Variants in ZNF415 observed in about 807,000 individuals in gnomAD.
ZNF415 encodes zinc finger protein 415.
ZNF415 carries 5 observed loss-of-function variants against 7.3 expected under a neutral mutation model. That is an observed-to-expected ratio of 0.69 (90% CI 0.36 to 1.44). The LOEUF (loss-of-function observed/expected upper bound fraction) is 1.44, where lower values mean the gene tolerates loss of function less well. Ranked by LOEUF, ZNF415 falls within the 40% of genes most tolerant of loss-of-function variation. The probability of loss-of-function intolerance (pLI) is 0.04; values close to 1 mark genes in which losing one functional copy is unlikely to be tolerated. For synonymous variants in ZNF415, 207 were observed against 226.3 expected, an observed-to-expected ratio of 0.91 and a Z score of 0.77; for missense variants, 628 against 664.8, an observed-to-expected ratio of 0.94 and a Z score of 0.61.
rs1293529212 is a variant in ZNF415 at position 53,132,871 on chromosome 19, C to T, written c.-83G>A. On this transcript the variant is annotated 5_prime_UTR_variant, in exon 1 of 4. Transcript: ENST00000243643. ...GGTCACTCACGCTCGACGCCGTCACCTTCACCCAACGCGATCCGTTTCCGG... is the reference window on the plus strand; with the variant it reads ...GGTCACTCACGCTCGACGCCGTCACTTTCACCCAACGCGATCCGTTTCCGG... 6.6e-6 allele frequency: 1 copy of T among 152,264 alleles called. No individual in the cohort carries two copies. Among genetic ancestry groups the T allele is most frequent in the African/African-American group, 2.4e-5 (1 of 41,446 alleles). 9.4% of individuals were successfully genotyped at this position (152,264 alleles called of 1,614,324 possible). A position where few individuals can be genotyped will look rare whatever the true frequency, so the allele number is the denominator to read the frequency against.
At position 53,108,688 on chromosome 19, in the gene ZNF415, A is replaced by G. The variant is rs2085742644; in HGVS notation, c.1357T>C (p.Ser453Pro). The G allele has an allele frequency of 6.2e-7, 1 of 1,614,084 alleles. No individual in the cohort carries two copies. The highest frequency in any genetic ancestry group is 8.5e-7 in the Non-Finnish European group (1 of 1,180,046). The change falls in exon 4 of 4, where the codon TCG becomes CCG. Residue 453 changes from serine (S) to proline (P), a missense_variant. Ser to Pro is a moderately conservative substitution (Grantham distance 74). Transcript: ENST00000243643. ...ATGACCTGATGGGTAGTTAAGTTCGAATGCACACTAAAGGCTTTCCCACAC... is the reference window on the plus strand; with the variant it reads ...ATGACCTGATGGGTAGTTAAGTTCGGATGCACACTAAAGGCTTTCCCACAC... ...NECGKAFSVH[S>P]NLTTHQVIHT...
rs1232556803 is a variant in ZNF415 at position 53,125,937 on chromosome 19, AAAAAT to A, written c.-67-3199_-67-3195del. Among the ~76,000 whole-genome samples, 4 of 151,896 alleles carry A rather than the reference AAAAAT, an allele frequency of 2.6e-5. No individual in the cohort carries two copies. The East Asian group carries it at 5.8e-4, about 22-fold the overall frequency. ...TGGGCAAGAGTGAGACTCCATCTCAAAAAATAAAATAAAATAAAATAAACTGGATA... is the reference window on the plus strand; with the variant it reads ...TGGGCAAGAGTGAGACTCCATCTCAAAAAATAAAATAAAATAAACTGGATA... On this transcript the variant is annotated intron_variant, in intron 1 of 3. Transcript: ENST00000243643.
At chr19:53,111,809 A>AT (rs1487930923) in intron 3 of ZNF415, among the ~76,000 whole-genome samples, 2 of 152,192 alleles carry the variant, frequency 1.3e-5, no homozygotes, top group African/African-American at 2.4e-5. Context: ...TGTTTTAAAA[A>AT]CTTTCAAGTA....
intron 1 of ZNF415, chr19:53,123,693 C>G: frequency 5.0e-6 from 2 of 398,510 alleles, no homozygotes; most frequent in Non-Finnish European, 8.8e-6. Flanking sequence ...TGCTGTCAAA[C>G]ATTTTTCTCC....
intron 3 of ZNF415, chr19:53,115,817 C>T: frequency 1.9e-6 from 3 of 1,545,456 alleles, no homozygotes; most frequent in Admixed American, 3.9e-5. Flanking sequence ...ATACTCTGGT[C>T]AGGAAGAGAA....
chr19:53,115,644 TAA>T, intron 3 of ZNF415: 1 of 1,313,458 alleles, frequency 7.6e-7, no homozygotes, highest in Non-Finnish European at 1.1e-6. Flanking sequence ...TCCCACTTGC[TAA>T]GAGTTTCCAA....
At chr19:53,131,646 C>T (rs2090088245) in intron 1 of ZNF415, among the ~76,000 whole-genome samples, 1 of 151,800 alleles carries the variant, frequency 6.6e-6, no homozygotes, top group Non-Finnish European at 1.5e-5. Context: ...TCATTTTGAG[C>T]CCCTCTCCTC....
At chr19:53,128,315 C>T (rs2089539264) in intron 1 of ZNF415, among the ~76,000 whole-genome samples, 1 of 149,526 alleles carries the variant, frequency 6.7e-6, no homozygotes, top group African/African-American at 2.5e-5. Context: ...CCATGGAATC[C>T]AGTTTAAAGG....
intron 1 of ZNF415, among the ~76,000 whole-genome samples, chr19:53,127,138 C>T (rs2089275886): frequency 6.9e-6 from 1 of 145,330 alleles, no homozygotes; most frequent in Non-Finnish European, 1.5e-5. Context: ...ACTCTGGGAC[C>T]CTGATAATCA....
chr19:53,120,906 A>T (rs2087893217), intron 2 of ZNF415, among the ~76,000 whole-genome samples: 1 of 151,614 alleles, frequency 6.6e-6, no homozygotes, highest in Non-Finnish European at 1.5e-5. Flanking sequence ...CTACACGGTG[A>T]AACCCCGTCT....
intron 3 of ZNF415, among the ~76,000 whole-genome samples, chr19:53,111,996 C>CA: frequency 6.6e-6 from 1 of 152,148 alleles, no homozygotes; most frequent in South Asian, 2.1e-4. Context: ...GGCTGGGGTG[C>CA]AGTGGTGTGA....
At chr19:53,123,365 C>A (rs1411334282) in intron 1 of ZNF415, 4 of 396,198 alleles carry the variant, frequency 1.0e-5, no homozygotes, top group Admixed American at 4.4e-5. Flanking sequence ...TCAAGAGAAG[C>A]ATGCAGAGGA....
At chr19:53,126,018 C>CAAA (rs58522981) in intron 1 of ZNF415, among the ~76,000 whole-genome samples, 1 of 111,338 alleles carries the variant, frequency 9.0e-6, no homozygotes, top group Non-Finnish European at 1.8e-5. Context: ...CTGGTGTAGA[C>CAAA]AAAAAAAAAA....
chr19:53,123,881 G>C, intron 1 of ZNF415: 1 of 269,498 alleles, frequency 3.7e-6, no homozygotes, highest in South Asian at 1.7e-4. Flanking sequence ...ATGCATCTAG[G>C]GAGTCAGGAA....
Position 53,109,895 on chromosome 19 carries a change from G to T in ZNF415, c.150C>A (p.Asn50Lys). Residue 50 changes from asparagine (N) to lysine (K), a missense_variant, in exon 4 of 4, where the codon AAC becomes AAA. Coordinates refer to ENST00000243643, the MANE Select transcript of ZNF415 (RefSeq NM_018355.4). ...GTGGTGCTAGTTCCTTGATTACACA[G>T]TTACGAGACAGATCTATAAGAAATG... ...RNLVSLDLSR[N>K]CVIKELAPQQ... is the part of the protein sequence containing the mutation. The T allele has an allele frequency of 1.3e-6, 2 of 1,582,328 alleles. No individual in the cohort carries two copies. The highest frequency in any genetic ancestry group is 1.7e-6 in the Non-Finnish European group (2 of 1,169,132).
intron 2 of ZNF415, among the ~76,000 whole-genome samples, chr19:53,117,448 A>G (rs1049728320): frequency 1.3e-5 from 2 of 152,102 alleles, no homozygotes; most frequent in African/African-American, 4.8e-5. Flanking sequence ...TCTCAAAAAA[A>G]AAAAAGAAAG....
chr19:53,130,066 CAAA>C (rs11314090), intron 1 of ZNF415, among the ~76,000 whole-genome samples: 19 of 123,448 alleles, frequency 1.5e-4, no homozygotes, highest in East Asian at 2.5e-4. Context: ...CTCCAGCTCA[CAAA>C]AAAAAAAAAA....
In ZNF415 at chr19:53,109,248, T is replaced by G. The variant is rs1178238007; in HGVS notation, c.797A>C (p.His266Pro). 6.2e-7 allele frequency: 1 copy of G among 1,614,198 alleles called. No homozygotes were observed. Among genetic ancestry groups the G allele is most frequent in the South Asian group, 1.1e-5 (1 of 91,086 alleles). ...KSNLARHWRV[H>P]TGEKPYKCNE... The stretch of plus-strand genomic sequence containing the variant: ...ACATTTGTATGGTTTCTCTCCAGTA[T>G]GAACTCTCCAATGACGCGCAAGGTT... The change falls in exon 4 of 4, where the codon CAT becomes CCT. Residue 266 changes from histidine (H) to proline (P), a missense_variant. Transcript: ENST00000243643.
chr19:53,114,837 C>T (rs571261572), intron 3 of ZNF415, among the ~76,000 whole-genome samples: 1 of 152,300 alleles, frequency 6.6e-6, no homozygotes, highest in African/African-American at 2.4e-5. Flanking sequence ...GGGACCACAA[C>T]AGGTAGAAAG....
Sources: allele counts gnomAD v4.1 joint callset (sites outside exome capture counted in the v4.1 genomes callset), GRCh38; gene constraint gnomAD v4.1.1; transcripts MANE v1.5; gene names NCBI Gene and HGNC (gene_info 2026-07-23, HGNC 2026-07-21).